CCDC178: variants seen among roughly 807,000 people sequenced by gnomAD.
CCDC178 encodes coiled-coil domain-containing protein 178.
A neutral mutation model predicts 117.4 loss-of-function variants in CCDC178; 126 were observed. The ratio of observed to expected loss-of-function variants is 1.07; its 90% CI spans 0.93 to 1.24. The LOEUF (loss-of-function observed/expected upper bound fraction) is 1.24. CCDC178 is among the 50% of genes most tolerant of loss of function. The probability of loss-of-function intolerance (pLI) is 0.00; values close to 1 mark genes in which losing one functional copy is unlikely to be tolerated. For missense variants in CCDC178, 1,030 were observed against 986.9 expected (o/e 1.04, Z -0.59); for synonymous variants, 283 against 313.4 (o/e 0.90, Z 1.02).
At chr18:33,028,449 T>C (rs1392019036) in intron 21 of CCDC178, among the ~76,000 whole-genome samples, 1 of 151,814 alleles carries the variant, frequency 6.6e-6, no homozygotes, top group Non-Finnish European at 1.5e-5. Context: ...TACACCATTT[T>C]ACATTCCAAC....
At chr18:32,959,108 A>G (rs2054652965) in intron 22 of CCDC178, among the ~76,000 whole-genome samples, 1 of 152,130 alleles carries the variant, frequency 6.6e-6, no homozygotes, top group South Asian at 2.1e-4. Flanking sequence ...AGGTAAATTT[A>G]TGTCTTATAT....
chr18:33,313,753 A>T (rs1233783040), intron 11 of CCDC178, among the ~76,000 whole-genome samples: 1 of 152,116 alleles, frequency 6.6e-6, no homozygotes, highest in Non-Finnish European at 1.5e-5. Context: ...GGCCAAAAAT[A>T]GGTCACTCAG....
intron 21 of CCDC178, among the ~76,000 whole-genome samples, chr18:33,057,862 G>T (rs981237640): frequency 6.6e-6 from 1 of 152,100 alleles, no homozygotes; most frequent in Non-Finnish European, 1.5e-5. Context: ...TTTGTATCTA[G>T]ACACCAAAAA....
At chr18:33,419,620 G>A (rs1051245052) in intron 2 of CCDC178, among the ~76,000 whole-genome samples, 1 of 152,070 alleles carries the variant, frequency 6.6e-6, no homozygotes, top group Admixed American at 6.6e-5. Flanking sequence ...ATTAAAAAGT[G>A]GGCAAACGAC....
intron 8 of CCDC178, among the ~76,000 whole-genome samples, chr18:33,347,100 G>T (rs1235516288): frequency 6.6e-6 from 1 of 152,096 alleles, no homozygotes; most frequent in African/African-American, 2.4e-5. Context: ...CATGGTCTTT[G>T]CTGGAGATAA....
At chr18:32,986,799 A>G (rs535752840) in intron 21 of CCDC178, among the ~76,000 whole-genome samples, 1 of 152,208 alleles carries the variant, frequency 6.6e-6, no homozygotes, top group African/African-American at 2.4e-5. Flanking sequence ...GAATCATGGA[A>G]ACTAAAATGT....
At chr18:33,375,559 G>A (rs758636515) in intron 5 of CCDC178, among the ~76,000 whole-genome samples, 9 of 152,132 alleles carry the variant, frequency 5.9e-5, no homozygotes, top group African/African-American at 2.2e-4. Context: ...TACCCATTGA[G>A]AAGTTGATAT....
intron 22 of CCDC178, among the ~76,000 whole-genome samples, chr18:32,944,900 T>C (rs1272148036): frequency 6.6e-6 from 1 of 152,208 alleles, no homozygotes; most frequent in Non-Finnish European, 1.5e-5. Flanking sequence ...CATGTAAGAT[T>C]TGCCTTTTGC....
chr18:33,380,121 G>A (rs993433116), intron 5 of CCDC178, among the ~76,000 whole-genome samples: 8 of 152,104 alleles, frequency 5.3e-5, no homozygotes, highest in African/African-American at 1.4e-4. Context: ...ATCAGGATGG[G>A]GCACCCAGCA....
intron 21 of CCDC178, among the ~76,000 whole-genome samples, chr18:33,021,917 T>A (rs1598797999): frequency 6.6e-6 from 1 of 152,212 alleles, no homozygotes; most frequent in Non-Finnish European, 1.5e-5. Flanking sequence ...TCTTTCTGTA[T>A]GTGTTTATAT....
At chr18:33,116,200 C>T (rs1238583612) in intron 20 of CCDC178, among the ~76,000 whole-genome samples, 1 of 152,026 alleles carries the variant, frequency 6.6e-6, no homozygotes, top group African/African-American at 2.4e-5. Context: ...CCTCAAGCTA[C>T]CACCAGGGAA....
intron 2 of CCDC178, among the ~76,000 whole-genome samples, chr18:33,436,557 G>A (rs764250880): frequency 6.6e-6 from 1 of 152,186 alleles, no homozygotes; most frequent in Non-Finnish European, 1.5e-5. Context: ...TGGATTGATT[G>A]CAGTTTATCT....
chr18:32,992,462 T>TA (rs1418938947), intron 21 of CCDC178, among the ~76,000 whole-genome samples: 1 of 151,770 alleles, frequency 6.6e-6, no homozygotes, highest in Non-Finnish European at 1.5e-5. Flanking sequence ...TGAAAGTAAG[T>TA]AAAAAAAAGT....
At chr18:32,975,666 A>C (rs2055015387) in intron 21 of CCDC178, among the ~76,000 whole-genome samples, 1 of 152,098 alleles carries the variant, frequency 6.6e-6, no homozygotes, top group Non-Finnish European at 1.5e-5. Flanking sequence ...TCTGTCACTG[A>C]AAACTCTTGG....
intron 2 of CCDC178, among the ~76,000 whole-genome samples, chr18:33,424,078 T>G (rs1350884402): frequency 6.6e-6 from 1 of 152,216 alleles, no homozygotes; most frequent in Admixed American, 6.5e-5. Flanking sequence ...ATTAGCCATT[T>G]TTCCCTCCTT....
At chr18:33,205,041 C>G (rs560448595) in intron 20 of CCDC178, among the ~76,000 whole-genome samples, 1 of 151,750 alleles carries the variant, frequency 6.6e-6, no homozygotes, top group African/African-American at 2.4e-5. Context: ...ATAATTAATA[C>G]AAAATAGATT....
chr18:33,432,284 A>G (rs1281695716), intron 2 of CCDC178, among the ~76,000 whole-genome samples: 2 of 149,054 alleles, frequency 1.3e-5, no homozygotes, highest in African/African-American at 5.0e-5. Context: ...CTTAGAGAAA[A>G]ATCTTAAGTG....
chr18:32,956,526 A>G (rs2054596581), intron 22 of CCDC178: 1 of 152,232 alleles, frequency 6.6e-6, no homozygotes, highest in Non-Finnish European at 1.5e-5. Flanking sequence ...CTCTGATAAT[A>G]AATCATGTAA....
intron 3 of CCDC178, among the ~76,000 whole-genome samples, chr18:33,398,243 T>A (rs992553753): frequency 1.3e-5 from 2 of 152,054 alleles, no homozygotes; most frequent in African/African-American, 4.8e-5. Context: ...AAACAGTTTC[T>A]TCTCTATACA....
Sources: allele counts gnomAD v4.1 joint callset (sites outside exome capture counted in the v4.1 genomes callset), GRCh38; gene constraint gnomAD v4.1.1; transcripts MANE v1.5; gene names NCBI Gene and HGNC (gene_info 2026-07-23, HGNC 2026-07-21).